Variants in BIRC6 observed in about 807,000 individuals in gnomAD.
BIRC6 encodes dual E2 ubiquitin-conjugating enzyme/E3 ubiquitin-protein ligase BIRC6.
A neutral mutation model predicts 503.3 loss-of-function variants in BIRC6; 98 were observed. The observed-to-expected ratio is 0.19, with a 90% CI of 0.17 to 0.23. The LOEUF (loss-of-function observed/expected upper bound fraction) is 0.23. Among genes scored for constraint, BIRC6 ranks in the 10% least tolerant of loss-of-function variants. The pLI is 1.00. For synonymous variants in BIRC6, 2,240 were observed against 2,078.7 expected (o/e 1.08, Z -2.11); for missense variants, 5,360 against 5,806.0 (o/e 0.92, Z 2.50).
intron 55 of BIRC6, among the ~76,000 whole-genome samples, chr2:32,516,423 G>T (rs2055043909): frequency 6.6e-6 from 1 of 152,026 alleles, no homozygotes; most frequent in East Asian, 1.9e-4. Flanking sequence ...GGCTGAGGCA[G>T]GGGAATTGCT....
At chr2:32,547,525 G>A (rs777900493) in intron 63 of BIRC6, among the ~76,000 whole-genome samples, 4 of 152,112 alleles carry the variant, frequency 2.6e-5, no homozygotes, top group African/African-American at 4.8e-5. Context: ...TTCGTGTAGC[G>A]TATATCAGTA....
chr2:32,414,494 C>G (rs999807253), intron 9 of BIRC6, among the ~76,000 whole-genome samples: 7 of 151,846 alleles, frequency 4.6e-5, no homozygotes, highest in African/African-American at 1.5e-4. Flanking sequence ...TGGTGAAACC[C>G]AGGCTCTACT....
intron 65 of BIRC6, chr2:32,557,825 T>G (rs1054291804): frequency 1.8e-4 from 28 of 152,202 alleles, no homozygotes; most frequent in African/African-American, 6.8e-4. Flanking sequence ...TAACATCTTC[T>G]GCTGTAGTGA....
Position 32,515,381 on chromosome 2 carries a change from G to T in BIRC6, c.10960G>T (p.Ala3654Ser). ...FSHISSSESI[A>S]QSIDISQDKL... ...CCACATTTCTAGCTCAGAAAGCATT[G>T]CCCAGTCAATAGATATTTCCCAGGA... Residue 3654 changes from alanine (A) to serine (S), a missense_variant, in exon 55 of 74, where the codon GCC becomes TCC. Around this residue, in one of 16 missense-constraint regions of BIRC6, gnomAD observed 878 missense variants for 928.9 expected, o/e 0.95. Transcript: ENST00000421745. The T allele has an allele frequency of 6.2e-7, 1 of 1,613,484 alleles. No homozygotes were observed.
intron 11 of BIRC6, 39 bp from the exon 12 acceptor site, chr2:32,430,826 T>TTTTC (rs1553421812): frequency 1.5e-5 from 14 of 939,294 alleles, no homozygotes; most frequent in Admixed American, 4.6e-5. Flanking sequence ...TTTTTTTTTT[T>TTTTC]CCACACCTAT....
chr2:32,357,573 A>T lies in BIRC6; in HGVS notation c.325+87A>T. On this transcript the variant is annotated intron_variant, in intron 1 of 73. Coordinates refer to ENST00000421745, the MANE Select transcript of BIRC6 (RefSeq NM_016252.4). This position sits in a 1 kb window ranked among gnomAD's most constrained non-coding sequence, Gnocchi z 4.9. ...CTCGGCCTCGCGACTCGGGGAAGCGAGATGGCGAGAGGGCAGGGCTGGGGG... is the reference window on the plus strand; with the variant it reads ...CTCGGCCTCGCGACTCGGGGAAGCGTGATGGCGAGAGGGCAGGGCTGGGGG... The T allele has an allele frequency of 6.0e-6, 9 of 1,498,550 alleles. No homozygotes were observed. Among genetic ancestry groups the T allele is most frequent in the Non-Finnish European group, 8.0e-6 (9 of 1,129,650 alleles). The allele number at this position is 1,498,550 out of a possible 1,614,324, so 92.8% of individuals were successfully genotyped here.
chr2:32,514,529 G>T (rs2054805663), intron 54 of BIRC6, among the ~76,000 whole-genome samples: 1 of 152,146 alleles, frequency 6.6e-6, no homozygotes, highest in East Asian at 1.9e-4. Context: ...TTGTTCTCTG[G>T]TAGGTCATCA....
In BIRC6 at chr2:32,464,690, C is replaced by T; in HGVS notation, c.5123C>T (p.Pro1708Leu). ...ACAACACCTCTTTTTATGACTCCAC[C>T]ACTCACTCCACCCAATGAAGCAGTT... ...PKTTPLFMTP[P>L]LTPPNEAVSV... is the part of the protein sequence containing the mutation. The change falls in exon 25 of 74, where the codon CCA becomes CTA. Residue 1708 changes from proline to leucine, a missense_variant. Physicochemically the swap from Pro to Leu is moderately conservative, Grantham distance 98. This residue lies in a region of BIRC6 where 2,299 missense variants were observed against 2,267.2 expected (regional missense o/e 1.01). Transcript: ENST00000421745. 6.2e-7 allele frequency: 1 copy of T among 1,613,914 alleles called. No individual in the cohort carries two copies. The highest frequency in any genetic ancestry group is 1.7e-5 in the Admixed American group (1 of 60,014).
At position 32,502,809 on chromosome 2, in the gene BIRC6, T is replaced by C. The variant is rs1444393423; in HGVS notation, c.9222T>C (p.Thr3074=). The C allele has an allele frequency of 6.2e-7, 1 of 1,611,874 alleles. No homozygotes were observed. Among genetic ancestry groups the C allele is most frequent in the Admixed American group, 1.7e-5 (1 of 59,642 alleles). The change falls in exon 48 of 74, where the codon ACT becomes ACC. Residue 3074 remains threonine (T), a synonymous_variant. Coordinates refer to ENST00000421745, the MANE Select transcript of BIRC6 (RefSeq NM_016252.4). ...TCATTTTTTAGGGCTCTCTTGCTAC[T>C]TGCCAGTTATCTGAGCCATTATTGT... The part of the protein sequence containing the change: ...GYMGRQGSLA[T]CQLSEPLLWF...
At chr2:32,410,081 T>C (rs1451132557) in intron 9 of BIRC6, among the ~76,000 whole-genome samples, 1 of 152,244 alleles carries the variant, frequency 6.6e-6, no homozygotes, top group African/African-American at 2.4e-5. Context: ...TTAATATATG[T>C]AATTTATGGT....
At chr2:32,508,983 C>T (rs1231257270) in intron 51 of BIRC6, among the ~76,000 whole-genome samples, 1 of 151,676 alleles carries the variant, frequency 6.6e-6, no homozygotes, top group Non-Finnish European at 1.5e-5. Context: ...GCAGGAGAAT[C>T]GCTTGGACCC....
intron 34 of BIRC6, 110 bp from the exon 35 acceptor site, chr2:32,477,258 G>C (rs1256980203): frequency 1.0e-6 from 1 of 978,356 alleles, no homozygotes; most frequent in East Asian, 2.6e-5. Context: ...TAAAAATTTT[G>C]CTCTTTAGAA....
Position 32,433,681 on chromosome 2 carries a change from C to G in BIRC6, c.3286C>G (p.Pro1096Ala). Reference protein sequence around the residue: ...WDEHVFELVLPKACMVGHVDF... With the variant: ...WDEHVFELVLAKACMVGHVDF... ...TGAACATGTATTTGAATTAGTACTACCTAAAGCTTGTATGGTTGGACATGT... is the reference window on the plus strand; with the variant it reads ...TGAACATGTATTTGAATTAGTACTAGCTAAAGCTTGTATGGTTGGACATGT... Residue 1096 changes from proline (P) to alanine (A), a missense_variant, in exon 13 of 74, where the codon CCT (proline) becomes GCT (alanine). Transcript: ENST00000421745. 2 of 1,601,868 alleles carry G rather than the reference C, an allele frequency of 1.2e-6. No homozygotes were observed. Among genetic ancestry groups the G allele is most frequent in the South Asian group, 2.2e-5 (2 of 89,564 alleles).
intron 42 of BIRC6, 111 bp downstream of exon 42, chr2:32,488,825 G>T: frequency 1.3e-6 from 1 of 760,676 alleles, no homozygotes; most frequent in South Asian, 3.0e-5. Flanking sequence ...CATTCTAGTG[G>T]GGAAAAAACA....
intron 21 of BIRC6, among the ~76,000 whole-genome samples, chr2:32,447,200 C>A (rs1239938148): frequency 6.7e-6 from 1 of 149,634 alleles, no homozygotes; most frequent in Non-Finnish European, 1.5e-5. Context: ...TTTTTCCCCA[C>A]CCTTCCCGCC....
At position 32,429,043 on chromosome 2, in the gene BIRC6, C is replaced by T. The variant is rs114554211; in HGVS notation, c.2873-103C>T. On this transcript the variant is annotated intron_variant, in intron 10 of 73. Transcript: ENST00000421745. Reference sequence around the variant, plus strand: ...ACATCACATTGGTAGCTTTCCTTATCTGCCTATGAAGTGACATTCAGTTGT... The same window carrying T: ...ACATCACATTGGTAGCTTTCCTTATTTGCCTATGAAGTGACATTCAGTTGT... The T allele has an allele frequency of 1.3e-3, 1,252 of 967,938 alleles. 15 individuals are homozygous for T. The African/African-American group carries it at 0.019, about 15-fold the overall frequency. 60.0% of individuals were successfully genotyped at this position (967,938 alleles called of 1,614,324 possible). A position where few individuals can be genotyped will look rare whatever the true frequency, so the allele number is the denominator to read the frequency against.
intron 32 of BIRC6, among the ~76,000 whole-genome samples, chr2:32,472,473 A>G (rs926789448): frequency 1.3e-5 from 2 of 152,248 alleles, no homozygotes; most frequent in Non-Finnish European, 2.9e-5. Flanking sequence ...CTATGGAAAC[A>G]TTGGTGGAAG....
intron 65 of BIRC6, among the ~76,000 whole-genome samples, chr2:32,559,046 T>A (rs923525053): frequency 9.9e-5 from 15 of 152,242 alleles, no homozygotes; most frequent in Non-Finnish European, 1.3e-4. Flanking sequence ...TTGAAGATAC[T>A]TTTCCCCATT....
At position 32,448,952 on chromosome 2, in the gene BIRC6, A is replaced by C. The variant is rs202096336; in HGVS notation, c.4618+24A>C. The C allele has an allele frequency of 7.5e-6, 12 of 1,597,858 alleles. No homozygotes were observed. The Admixed American group carries it at 2.1e-4, about 28-fold the overall frequency. On this transcript the variant is annotated intron_variant, in intron 22 of 73. Transcript: ENST00000421745. The stretch of plus-strand genomic sequence containing the variant: ...AGGTAGTGATTTCTTTTATTAAAGG[A>C]AATTCTGAATGTTGTATCTTGGATT...
Sources: gnomAD v4.1 joint callset for allele counts (sites outside exome capture counted in the v4.1 genomes callset) on GRCh38, gnomAD v4.1.1 for gene constraint, gnomAD v4.1.1 regional missense constraint, Gnocchi (gnomAD v3.1) non-coding constraint, MANE v1.5 for transcripts, NCBI Gene and HGNC (gene_info 2026-07-23, HGNC 2026-07-21) for gene names.